USP34: variants seen among roughly 807,000 people sequenced by gnomAD.
USP34 encodes the protein ubiquitin specific peptidase 34, also known as ubiquitin carboxyl-terminal hydrolase 34.
In USP34, 70 loss-of-function variants were observed where a neutral mutation model predicts 460.3. The observed-to-expected ratio is 0.15, with a 90% CI of 0.13 to 0.19. USP34 has a LOEUF of 0.19. Ranked by LOEUF, USP34 falls within the 10% of genes least tolerant of loss-of-function variation. The pLI is 1.00. For missense variants in USP34, 3,985 were observed against 4,236.2 expected (o/e 0.94, Z 1.65); for synonymous variants, 1,647 against 1,405.3 (o/e 1.17, Z -3.85).
intron 57 of USP34, among the ~76,000 whole-genome samples, chr2:61,234,048 G>C (rs6545848): frequency 1.3e-5 from 2 of 151,882 alleles, no homozygotes; most frequent in Non-Finnish European, 2.9e-5. Context: ...AAACAAGAAA[G>C]AAAGATTATT....
intron 3 of USP34, among the ~76,000 whole-genome samples, chr2:61,404,327 G>T (rs550429723): frequency 7.2e-5 from 11 of 152,132 alleles, no homozygotes; most frequent in Admixed American, 3.9e-4. Context: ...TCATATTCCA[G>T]GATGCACAGG....
At chr2:61,272,934 T>C (rs954679409) in intron 41 of USP34, among the ~76,000 whole-genome samples, 1 of 152,138 alleles carries the variant, frequency 6.6e-6, no homozygotes, top group African/African-American at 2.4e-5. Flanking sequence ...CAAGAATTAC[T>C]TGCAGATAAT....
At chr2:61,373,928 G>A (rs962430583) in intron 8 of USP34, among the ~76,000 whole-genome samples, 1 of 152,168 alleles carries the variant, frequency 6.6e-6, no homozygotes, top group African/African-American at 2.4e-5. Context: ...GCCAAGACGG[G>A]TGGACTGCTT....
intron 10 of USP34, among the ~76,000 whole-genome samples, chr2:61,365,824 C>G (rs1202524405): frequency 6.6e-6 from 1 of 152,012 alleles, no homozygotes; most frequent in East Asian, 1.9e-4. Flanking sequence ...TCATCATCCT[C>G]TAGAGAAGAA....
intron 41 of USP34, among the ~76,000 whole-genome samples, chr2:61,267,707 G>A (rs559768949): frequency 3.9e-5 from 6 of 152,058 alleles, no homozygotes; most frequent in African/African-American, 4.8e-5. Context: ...TCCACCTCCC[G>A]GGTTCATGCC....
chr2:61,288,132 T>C (rs1470389915), intron 34 of USP34, among the ~76,000 whole-genome samples: 1 of 152,204 alleles, frequency 6.6e-6, no homozygotes, highest in Non-Finnish European at 1.5e-5. Context: ...AGGTCCCCTC[T>C]GATAATCTTA....
intron 2 of USP34, among the ~76,000 whole-genome samples, chr2:61,417,530 A>C (rs1023651613): frequency 6.6e-6 from 1 of 152,094 alleles, no homozygotes. Context: ...ATTTTTGTAA[A>C]ATTTAAAACT....
At chr2:61,369,335 C>A (rs1692537244) in intron 10 of USP34, among the ~76,000 whole-genome samples, 1 of 152,100 alleles carries the variant, frequency 6.6e-6, no homozygotes, top group South Asian at 2.1e-4. Context: ...CTTATTACAG[C>A]ATTGTTTGTA....
At chr2:61,202,986 A>C (rs1253308097) in intron 75 of USP34, among the ~76,000 whole-genome samples, 154 bp downstream of exon 75, 2 of 152,048 alleles carry the variant, frequency 1.3e-5, no homozygotes, top group Non-Finnish European at 2.9e-5. Context: ...TGTTTTCTTA[A>C]TGAAAATTAA....
intron 16 of USP34, among the ~76,000 whole-genome samples, chr2:61,343,151 G>A (rs918753665): frequency 1.2e-4 from 18 of 152,210 alleles, no homozygotes; most frequent in African/African-American, 4.3e-4. Flanking sequence ...TACTAGGCCA[G>A]CATATGTTGA....
At chr2:61,257,161 TTG>T (rs759350387) in intron 45 of USP34, 41 bp downstream of exon 45, 17 of 1,580,690 alleles carry the variant, frequency 1.1e-5, no homozygotes, top group Non-Finnish European at 1.4e-5. Context: ...GCAGGCAAAT[TTG>T]TTCAAATTTC....
chr2:61,263,128 C>A (rs759920180), intron 43 of USP34, among the ~76,000 whole-genome samples: 1 of 149,998 alleles, frequency 6.7e-6, no homozygotes, highest in Non-Finnish European at 1.5e-5. Flanking sequence ...CCTGGCCCAG[C>A]GTCCCGAGTA....
chr2:61,327,161 A>C (rs1691121981), intron 20 of USP34, among the ~76,000 whole-genome samples: 2 of 152,166 alleles, frequency 1.3e-5, no homozygotes, highest in South Asian at 4.1e-4. Flanking sequence ...TTAGCTTCCC[A>C]AAATCGCACT....
intron 5 of USP34, among the ~76,000 whole-genome samples, chr2:61,385,372 T>C (rs758036157): frequency 6.6e-6 from 1 of 151,924 alleles, no homozygotes; most frequent in African/African-American, 2.4e-5. Context: ...CAAGAATAGC[T>C]AAAACTCTCT....
At chr2:61,304,315 A>C (rs1055967013) in intron 27 of USP34, among the ~76,000 whole-genome samples, 1 of 152,250 alleles carries the variant, frequency 6.6e-6, no homozygotes, top group Non-Finnish European at 1.5e-5. Flanking sequence ...TAAAGCATGC[A>C]TAACTTTGTT....
At chr2:61,192,546 G>A (rs1473935977) in intron 76 of USP34, among the ~76,000 whole-genome samples, 1 of 152,048 alleles carries the variant, frequency 6.6e-6, no homozygotes, top group Non-Finnish European at 1.5e-5. Flanking sequence ...TGGAAAAGAG[G>A]TAGAGACAGG....
rs772580547 is a variant in USP34, at chr2:61,256,508, ATAT to A, written c.6127-33_6127-31del. 43 of 1,507,398 alleles carry A rather than the reference ATAT, an allele frequency of 2.9e-5. 1 individual carries two copies. The Middle Eastern group carries it at 1.0e-3, about 36-fold the overall frequency. The allele number at this position is 1,507,398 out of a possible 1,614,324, so 93.4% of individuals were successfully genotyped here. ...GTATAAAACCACATTTAAAAGTTTCATATTATTGTTTATAGCATGCAAATATAC... is the reference window on the plus strand; with the variant it reads ...GTATAAAACCACATTTAAAAGTTTCATATTGTTTATAGCATGCAAATATAC... On this transcript the variant is annotated intron_variant, in intron 47 of 79. Transcript: ENST00000398571.
chr2:61,439,716 A>T (rs193184031), intron 1 of USP34, among the ~76,000 whole-genome samples: 1 of 152,198 alleles, frequency 6.6e-6, no homozygotes, highest in African/African-American at 2.4e-5. Context: ...AGACTTGCTG[A>T]CCTGTGACCC....
chr2:61,245,164 C>T (rs1688386571), intron 51 of USP34, 46 bp downstream of exon 51: 2 of 1,446,694 alleles, frequency 1.4e-6, no homozygotes, highest in Non-Finnish European at 1.9e-6. Flanking sequence ...TATGACAAAG[C>T]ACTTGGAAGG....
Sources: allele counts gnomAD v4.1 joint callset (sites outside exome capture counted in the v4.1 genomes callset), GRCh38; gene constraint gnomAD v4.1.1; transcripts MANE v1.5; gene names NCBI Gene and HGNC (gene_info 2026-07-23, HGNC 2026-07-21).